CNTLN: variants seen among roughly 807,000 people sequenced by gnomAD.
CNTLN encodes the protein centlein, centrosomal protein.
In CNTLN, 212 loss-of-function variants were observed where a neutral mutation model predicts 180.0. That is an observed-to-expected ratio of 1.18 (90% CI 1.05 to 1.32). The LOEUF (loss-of-function observed/expected upper bound fraction) is 1.32. Among genes scored for constraint, CNTLN ranks in the 40% most tolerant of loss-of-function variants. The pLI is 0.00. For missense variants in CNTLN, 2,095 were observed against 1,610.9 expected, an observed-to-expected ratio of 1.30 and a Z score of -5.14; for synonymous variants, 722 against 563.1, an observed-to-expected ratio of 1.28 and a Z score of -3.99.
chr9:17,296,084 C>A (rs183617390), intron 6 of CNTLN, among the ~76,000 whole-genome samples: 16 of 150,824 alleles, frequency 1.1e-4, no homozygotes, highest in Non-Finnish European at 2.2e-4. Context: ...TGGGGTGGTG[C>A]GATCTCGGCT....
chr9:17,177,402 C>G (rs1820787460), intron 2 of CNTLN, among the ~76,000 whole-genome samples: 1 of 151,372 alleles, frequency 6.6e-6, no homozygotes, highest in South Asian at 2.1e-4. Context: ...GAACAAGACT[C>G]TGTCTCAAAA....
At chr9:17,160,083 T>C (rs565567773) in intron 2 of CNTLN, among the ~76,000 whole-genome samples, 1 of 152,338 alleles carries the variant, frequency 6.6e-6, no homozygotes, top group South Asian at 2.1e-4. Flanking sequence ...TGTACCAACT[T>C]ACACTTCCAC....
At chr9:17,264,186 T>G (rs945320378) in intron 5 of CNTLN, among the ~76,000 whole-genome samples, 5 of 144,120 alleles carry the variant, frequency 3.5e-5, no homozygotes, top group African/African-American at 1.1e-4. Context: ...GGTCTAACAT[T>G]TAAGTCTTTA....
chr9:17,430,404 A>G (rs1195191642), intron 18 of CNTLN, among the ~76,000 whole-genome samples: 1 of 151,940 alleles, frequency 6.6e-6, no homozygotes, highest in African/African-American at 2.4e-5. Flanking sequence ...CCCCTTATTT[A>G]CCCATTTTAA....
Position 17,434,080 on chromosome 9 carries a change from C to T in CNTLN, c.3114+17891C>T, listed in dbSNP as rs10963097. On this transcript the variant is annotated intron_variant, in intron 18 of 25. Coordinates refer to ENST00000380647, the MANE Select transcript of CNTLN (RefSeq NM_017738.4). Reference sequence around the variant, plus strand: ...GTTCTCTTATTAGATTATATAACTGCAAGATCTGTAGTGATAGTCCTTGTT... The same window carrying T: ...GTTCTCTTATTAGATTATATAACTGTAAGATCTGTAGTGATAGTCCTTGTT... 8.1e-3 allele frequency among the ~76,000 whole-genome samples: 1,240 copies of T among 152,214 alleles called. 13 individuals are homozygous for T. Among genetic ancestry groups the T allele is most frequent in the African/African-American group, 0.027 (1,141 of 41,546 alleles).
intron 18 of CNTLN, among the ~76,000 whole-genome samples, chr9:17,455,063 C>G (rs1205550541): frequency 1.3e-5 from 2 of 152,096 alleles, no homozygotes; most frequent in African/African-American, 4.8e-5. Flanking sequence ...CACTTGTAAG[C>G]AAAAGAAAGT....
chr9:17,363,028 T>G (rs1397428450), intron 12 of CNTLN, among the ~76,000 whole-genome samples: 1 of 152,208 alleles, frequency 6.6e-6, no homozygotes, highest in Non-Finnish European at 1.5e-5. Flanking sequence ...GAATGATGGT[T>G]TCCAGCTTCA....
chr9:17,362,722 G>A (rs899640282), intron 12 of CNTLN, among the ~76,000 whole-genome samples: 15 of 151,614 alleles, frequency 9.9e-5, no homozygotes, highest in Non-Finnish European at 1.3e-4. Context: ...TTTCTTGCAC[G>A]TTTTATTTTC....
At chr9:17,213,255 G>A (rs1282876474) in intron 2 of CNTLN, among the ~76,000 whole-genome samples, 1 of 152,134 alleles carries the variant, frequency 6.6e-6, no homozygotes, top group East Asian at 1.9e-4. Flanking sequence ...GGTATGTTGT[G>A]TGTTTGTTCT....
Position 17,236,409 on chromosome 9 carries a change from G to C in CNTLN, c.670G>C (p.Asp224His). ...KFKDKSQEIK[D>H]TKECVQNKEE... Reference sequence around the variant, plus strand: ...TTGCCCTTGTGGTACTGTTCTACAGGACACTAAGGAGTGTGTACAGAACAA... The same window carrying C: ...TTGCCCTTGTGGTACTGTTCTACAGCACACTAAGGAGTGTGTACAGAACAA... Residue 224 changes from aspartate to histidine, a missense_variant and splice_region_variant, in exon 5 of 26, where the codon GAC (aspartate) becomes CAC (histidine). Coordinates refer to ENST00000380647, the MANE Select transcript of CNTLN (RefSeq NM_017738.4). 6.3e-7 allele frequency: 1 copy of C among 1,594,018 alleles called. No homozygotes were observed. Among genetic ancestry groups the C allele is most frequent in the Non-Finnish European group, 8.5e-7 (1 of 1,173,212 alleles).
chr9:17,433,013 T>C, intron 18 of CNTLN, among the ~76,000 whole-genome samples: 1 of 88,182 alleles, frequency 1.1e-5, no homozygotes, highest in African/African-American at 4.4e-5. Flanking sequence ...AGAGCAAGAC[T>C]CTGTCTCAAA....
At position 17,467,790 on chromosome 9, in the gene CNTLN, G is replaced by A. The variant is rs1016278651; in HGVS notation, c.3855+899G>A. The stretch of plus-strand genomic sequence containing the variant: ...AAATATTGTGACTTATACCCTGCTG[G>A]TGGGAATGTAAATTAGTTCAGCCAC... On this transcript the variant is annotated intron_variant, in intron 23 of 25. Transcript: ENST00000380647. 2.6e-5 allele frequency among the ~76,000 whole-genome samples: 4 copies of A among 151,734 alleles called. No homozygotes were observed. The South Asian group carries it at 8.3e-4, about 31-fold the overall frequency.
At chr9:17,348,732 T>C (rs1383519642) in intron 12 of CNTLN, among the ~76,000 whole-genome samples, 1 of 152,094 alleles carries the variant, frequency 6.6e-6, no homozygotes, top group Non-Finnish European at 1.5e-5. Context: ...GGTTTCACCA[T>C]GTTGTCCAGA....
At chr9:17,363,952 T>C (rs1483685673) in intron 12 of CNTLN, among the ~76,000 whole-genome samples, 1 of 152,124 alleles carries the variant, frequency 6.6e-6, no homozygotes, top group Non-Finnish European at 1.5e-5. Flanking sequence ...CCTTCTGGCT[T>C]TGTTTGTTGA....
Position 17,463,031 on chromosome 9 carries a change from C to T in CNTLN, c.3404+18C>T. 1 of 1,494,566 alleles carries T rather than the reference C, an allele frequency of 6.7e-7. No homozygotes were observed. Among genetic ancestry groups the T allele is most frequent in the Non-Finnish European group, 9.2e-7 (1 of 1,092,688 alleles). 92.6% of individuals were successfully genotyped at this position (1,494,566 alleles called of 1,614,324 possible). On this transcript the variant is annotated intron_variant, in intron 20 of 25. Transcript: ENST00000380647. ...CATGAAAAGTATGGTTTTTGTATTT[C>T]TATCCATTGTATTTGGTGCCACCTA...
intron 14 of CNTLN, among the ~76,000 whole-genome samples, chr9:17,391,834 A>G (rs1362264803): frequency 1.3e-5 from 2 of 152,158 alleles, no homozygotes; most frequent in East Asian, 1.9e-4. Context: ...GTCAGGAATT[A>G]TGGTTTATGA....
chr9:17,528,618 G>T, the CNTLN span, among the ~76,000 whole-genome samples: 1 of 152,226 alleles, frequency 6.6e-6, no homozygotes, highest in Non-Finnish European at 1.5e-5. Context: ...AACTATGGAT[G>T]TTGGTTAATA....
intron 2 of CNTLN, among the ~76,000 whole-genome samples, chr9:17,219,316 A>G (rs1298267400): frequency 1.3e-5 from 2 of 150,278 alleles, no homozygotes; most frequent in Non-Finnish European, 3.0e-5. Context: ...AATTGACCAG[A>G]TTGGTTGGTG....
chr9:17,194,524 C>A (rs1001085451), intron 2 of CNTLN, among the ~76,000 whole-genome samples: 7 of 152,178 alleles, frequency 4.6e-5, no homozygotes, highest in African/African-American at 1.2e-4. Context: ...TAGTTCCCAA[C>A]AAGTTCCTCA....
Sources: gnomAD v4.1 joint callset for allele counts (sites outside exome capture counted in the v4.1 genomes callset) on GRCh38, gnomAD v4.1.1 for gene constraint, MANE v1.5 for transcripts, NCBI Gene and HGNC (gene_info 2026-07-23, HGNC 2026-07-21) for gene names.